The following SYNE2 variants were observed in gnomAD, a reference collection of about 807,000 sequenced individuals.
The protein encoded by SYNE2 is nesprin-2.
SYNE2 carries 431 observed loss-of-function variants against 856.3 expected under a neutral mutation model. The ratio of observed to expected loss-of-function variants is 0.50; its 90% CI spans 0.47 to 0.55. The LOEUF (loss-of-function observed/expected upper bound fraction) is 0.55, where lower values mean the gene tolerates loss of function less well. Among genes scored for constraint, SYNE2 ranks in the 20% least tolerant of loss-of-function variants. The probability of loss-of-function intolerance (pLI) is 0.00; values close to 1 mark genes in which losing one functional copy is unlikely to be tolerated. For synonymous variants in SYNE2, 2,923 were observed against 2,872.3 expected, an observed-to-expected ratio of 1.02 and a Z score of -0.56; for missense variants, 8,129 against 8,023.2, an observed-to-expected ratio of 1.01 and a Z score of -0.50.
intron 11 of SYNE2, among the ~76,000 whole-genome samples, chr14:63,971,547 G>GT (rs1293992330): frequency 8.0e-5 from 12 of 150,104 alleles, no homozygotes; most frequent in Middle Eastern, 6.9e-3. Flanking sequence ...CACATGTAAT[G>GT]TATGTCTTAA....
At chr14:63,830,691 TAA>T (rs1290206431) in intron 1 of SYNE2, among the ~76,000 whole-genome samples, 1 of 152,004 alleles carries the variant, frequency 6.6e-6, no homozygotes, top group Non-Finnish European at 1.5e-5. Context: ...TAATTAAAAT[TAA>T]AAGTTATTAG....
chr14:63,831,740 C>T (rs1235326705), intron 1 of SYNE2, among the ~76,000 whole-genome samples: 5 of 151,216 alleles, frequency 3.3e-5, no homozygotes, highest in Admixed American at 6.6e-5. Flanking sequence ...ATTTTACTTT[C>T]GCCATGTTGG....
At chr14:64,209,858 A>G in intron 102 of SYNE2, 84 bp from the exon 103 acceptor site, 1 of 1,581,020 alleles carries the variant, frequency 6.3e-7, no homozygotes, top group South Asian at 1.1e-5. Context: ...AACCCCTGGC[A>G]GCAGGTCGCT....
At chr14:63,988,896 C>T (rs2096645923) in intron 19 of SYNE2, among the ~76,000 whole-genome samples, 1 of 152,186 alleles carries the variant, frequency 6.6e-6, no homozygotes, top group Admixed American at 6.5e-5. Context: ...GGGTGTCTCT[C>T]ACAACTCGTG....
chr14:64,086,570 T>G lies in SYNE2; in HGVS notation c.11485-1101T>G, dbSNP rs61984139. ...ATTTTGAGTGGGATTGCATTAGATT[T>G]GTAGATCAATTTGGAAGAGAATTAA... On this transcript the variant is annotated intron_variant, in intron 57 of 115. Coordinates refer to ENST00000555002, the MANE Select transcript of SYNE2 (RefSeq NM_182914.3). Among the ~76,000 whole-genome samples, 1,112 of 152,318 alleles carry G rather than the reference T, an allele frequency of 7.3e-3. 11 individuals carry two copies. The highest frequency in any genetic ancestry group is 0.018 in the South Asian group (86 of 4,832).
At chr14:64,134,862 C>CT (rs1311540388) in intron 78 of SYNE2, among the ~76,000 whole-genome samples, 7 of 151,998 alleles carry the variant, frequency 4.6e-5, no homozygotes, top group Admixed American at 2.0e-4. Context: ...CGGCATGTGC[C>CT]TGTAATCCCA....
At chr14:63,767,456 G>C (rs895774881) in intron 1 of SYNE2, among the ~76,000 whole-genome samples, 3 of 152,162 alleles carry the variant, frequency 2.0e-5, no homozygotes, top group South Asian at 4.2e-4. Flanking sequence ...AATTGTGCAT[G>C]TATCTCATCT....
chr14:63,937,077 G>A (rs1024506762), intron 2 of SYNE2, among the ~76,000 whole-genome samples: 2 of 152,168 alleles, frequency 1.3e-5, no homozygotes, highest in Admixed American at 6.5e-5. Context: ...GCAGGATGAA[G>A]GTTGAGAATA....
intron 96 of SYNE2, among the ~76,000 whole-genome samples, chr14:64,179,986 C>T (rs1179598829): frequency 6.6e-6 from 1 of 152,188 alleles, no homozygotes; most frequent in East Asian, 1.9e-4. Flanking sequence ...ACATTCTCTT[C>T]AAAAAGTTTT....
At chr14:63,990,374 A>G in intron 19 of SYNE2, 37 bp from the exon 20 acceptor site, 1 of 1,598,518 alleles carries the variant, frequency 6.3e-7, no homozygotes. Flanking sequence ...TATAATCAGA[A>G]TGTTTATTGT....
At chr14:64,214,541 G>GC in intron 106 of SYNE2, 71 bp downstream of exon 106, 1 of 1,457,452 alleles carries the variant, frequency 6.9e-7, no homozygotes, top group Non-Finnish European at 9.3e-7. Flanking sequence ...TAGCAACACG[G>GC]CCAGCTCTCA....
chr14:63,872,720 C>T (rs892132478), intron 1 of SYNE2, among the ~76,000 whole-genome samples: 2 of 137,674 alleles, frequency 1.5e-5, no homozygotes, highest in African/African-American at 5.3e-5. Context: ...TAAGATCACA[C>T]CACTGTACTC....
intron 45 of SYNE2, among the ~76,000 whole-genome samples, chr14:64,034,824 T>C (rs565592768): frequency 6.6e-6 from 1 of 152,084 alleles, no homozygotes; most frequent in South Asian, 2.1e-4. Context: ...AGCAGCAGAT[T>C]AGGATATGGT....
intron 51 of SYNE2, among the ~76,000 whole-genome samples, chr14:64,069,280 C>G (rs925043669): frequency 3.2e-5 from 3 of 92,394 alleles, no homozygotes; most frequent in Admixed American, 1.3e-4. Context: ...AGCAGGGGGA[C>G]AGAAAATGAT....
intron 84 of SYNE2, among the ~76,000 whole-genome samples, chr14:64,151,204 G>C (rs1378125720): frequency 6.6e-6 from 1 of 151,852 alleles, no homozygotes; most frequent in Non-Finnish European, 1.5e-5. Context: ...CATTGGTTTA[G>C]AGTTTGTGAT....
rs373695824 is a variant in SYNE2, at chr14:64,017,760, A to G, written c.5049+4A>G. The G allele has an allele frequency of 1.2e-6, 2 of 1,613,098 alleles. No homozygotes were observed. Among genetic ancestry groups the G allele is most frequent in the Non-Finnish European group, 1.7e-6 (2 of 1,179,424 alleles). ...AGAGGACAGAGAAAGGCTGAAGGTA[A>G]TTTAACAGATAAAATACATGCTTTT... On this transcript the variant is annotated splice_donor_region_variant and intron_variant, in intron 34 of 115. Coordinates refer to ENST00000555002, the MANE Select transcript of SYNE2 (RefSeq NM_182914.3).
At chr14:64,216,137 C>A (rs1213955504) in intron 107 of SYNE2, 111 bp from the exon 108 acceptor site, 6 of 1,584,228 alleles carry the variant, frequency 3.8e-6, no homozygotes, top group African/African-American at 2.7e-5. Context: ...AACATGCATG[C>A]TTTGCAAGGA....
chr14:64,140,921 G>T (rs1040437840), intron 80 of SYNE2, among the ~76,000 whole-genome samples: 3 of 150,674 alleles, frequency 2.0e-5, no homozygotes, highest in African/African-American at 7.3e-5. Flanking sequence ...TTCATACTTC[G>T]TAGCTATGAT....
chr14:63,896,908 T>A (rs1325543863), intron 1 of SYNE2, among the ~76,000 whole-genome samples: 2 of 152,178 alleles, frequency 1.3e-5, no homozygotes, highest in Non-Finnish European at 2.9e-5. Flanking sequence ...TATCCTGCCT[T>A]AGCATGTTTT....
Sources: allele counts gnomAD v4.1 joint callset (sites outside exome capture counted in the v4.1 genomes callset), GRCh38; gene constraint gnomAD v4.1.1; transcripts MANE v1.5; gene names NCBI Gene and HGNC (gene_info 2026-07-23, HGNC 2026-07-21).